Variants in DIP2C observed in about 807,000 individuals in gnomAD.
DIP2C encodes the protein DIP2 acetate--CoA ligase C (putative), also known as disco-interacting protein 2 homolog C.
DIP2C carries 33 observed loss-of-function variants against 192.4 expected under a neutral mutation model. That is an observed-to-expected ratio of 0.17 (90% confidence interval 0.13 to 0.23). DIP2C has a LOEUF of 0.23. Among genes scored for constraint, DIP2C ranks in the 10% least tolerant of loss-of-function variants. DIP2C has a pLI of 1.00. For missense variants in DIP2C, 1,537 were observed against 2,110.1 expected, an observed-to-expected ratio of 0.73 and a Z score of 5.32; for synonymous variants, 979 against 864.1, an observed-to-expected ratio of 1.13 and a Z score of -2.33.
chr10:357,662 C>A (rs569377112), intron 23 of DIP2C, among the ~76,000 whole-genome samples, 166 bp downstream of exon 23: 1 of 151,968 alleles, frequency 6.6e-6, no homozygotes. Context: ...CGGAGACTGT[C>A]GGGAAAGTCG....
At chr10:413,650 T>C (rs1020201236) in intron 8 of DIP2C, among the ~76,000 whole-genome samples, 5 of 152,204 alleles carry the variant, frequency 3.3e-5, no homozygotes, top group African/African-American at 9.6e-5. Context: ...TAACAGACAC[T>C]GAGCTTTGTG....
chr10:668,789 T>C (rs921441434), intron 1 of DIP2C: 11 of 152,264 alleles, frequency 7.2e-5, no homozygotes, highest in African/African-American at 2.7e-4. Flanking sequence ...TAACATGTCC[T>C]CATTTTCAGC....
At chr10:383,952 G>A in intron 16 of DIP2C, 75 bp downstream of exon 16, 1 of 1,397,356 alleles carries the variant, frequency 7.2e-7, no homozygotes, top group Non-Finnish European at 9.2e-7. Flanking sequence ...TTCACAGCCT[G>A]CCTGCCTCAC....
In DIP2C at chr10:418,010, GCGCGGACAGGC is replaced by G. The variant is rs1965874021; in HGVS notation, c.739+1044_739+1054del. ...TCCCTGTCCACCTGCACCTGTCAGG[GCGCGGACAGGC>G]CTCCCTGTCCACCTGTTCCTGTCAG... On this transcript the variant is annotated intron_variant, in intron 6 of 36. Coordinates refer to ENST00000280886, the MANE Select transcript of DIP2C (RefSeq NM_014974.3). Among the ~76,000 whole-genome samples the G allele has an allele frequency of 9.2e-5, 8 of 87,388 alleles. 3 individuals are homozygous for G. Among genetic ancestry groups the G allele is most frequent in the South Asian group, 4.9e-4 (1 of 2,046 alleles). 57.3% of individuals were successfully genotyped at this position (87,388 alleles called of 152,430 possible).
intron 1 of DIP2C, among the ~76,000 whole-genome samples, chr10:601,946 G>A (rs972143634): frequency 6.6e-6 from 1 of 152,110 alleles, no homozygotes; most frequent in Non-Finnish European, 1.5e-5. Context: ...AGTGGGAACC[G>A]GCAGTTTAGC....
intron 17 of DIP2C, among the ~76,000 whole-genome samples, chr10:381,005 G>C (rs547395529): frequency 3.8e-4 from 58 of 152,358 alleles, no homozygotes; most frequent in Non-Finnish European, 7.2e-4. Flanking sequence ...ACAATGCAGA[G>C]AGGGATGTGT....
chr10:406,217 A>G (rs903131859), intron 9 of DIP2C, among the ~76,000 whole-genome samples: 8 of 152,264 alleles, frequency 5.3e-5, no homozygotes, highest in Non-Finnish European at 1.0e-4. Flanking sequence ...TTCCATTACA[A>G]TTAACGTTTC....
chr10:598,656 C>G lies in DIP2C; in HGVS notation c.85+90838G>C, dbSNP rs556321342. ...CCCCTTGATGAAGTCATTCATTCCC[C>G]AAATACAAAGCAATTAAAGGCATGA... On this transcript the variant is annotated intron_variant, in intron 1 of 36. Coordinates refer to ENST00000280886, the MANE Select transcript of DIP2C (RefSeq NM_014974.3). 3.3e-5 allele frequency among the ~76,000 whole-genome samples: 5 copies of G among 152,260 alleles called. No individual in the cohort carries two copies. The South Asian group carries it at 8.3e-4, about 25-fold the overall frequency.
At chr10:575,988 C>A (rs964510217) in intron 1 of DIP2C, among the ~76,000 whole-genome samples, 4 of 152,208 alleles carry the variant, frequency 2.6e-5, no homozygotes, top group African/African-American at 9.7e-5. Context: ...TACTCCTGCA[C>A]GTGGGTGCCA....
At position 422,873 on chromosome 10, in the gene DIP2C, G is replaced by A. The variant is rs1015614062; in HGVS notation, c.555C>T (p.Gly185=). Residue 185 remains glycine, a synonymous_variant, in exon 5 of 37, where the codon GGC becomes GGT. Coordinates refer to ENST00000280886, the MANE Select transcript of DIP2C (RefSeq NM_014974.3). Reference sequence around the variant, plus strand: ...CCGCCAGCCTGTGGGCAGCCCCGCTGCCCCCGCTCTGCGTAGAGGACGAGG... The same window carrying A: ...CCGCCAGCCTGTGGGCAGCCCCGCTACCCCCGCTCTGCGTAGAGGACGAGG... ...TTSSSSTQSG[G]SGAAHRLADV... 6.2e-7 allele frequency: 1 copy of A among 1,613,302 alleles called. No homozygotes were observed. Among genetic ancestry groups the A allele is most frequent in the Non-Finnish European group, 8.5e-7 (1 of 1,179,984 alleles).
At position 465,813 on chromosome 10, in the gene DIP2C, T is replaced by G. The variant is rs1400846274; in HGVS notation, c.268+6626A>C. Among the ~76,000 whole-genome samples, 5 of 151,088 alleles carry G rather than the reference T, an allele frequency of 3.3e-5. No homozygotes were observed. The East Asian group carries it at 9.8e-4, about 30-fold the overall frequency. ...ATTGCTTCAAAGAGAATAAAATACC[T>G]AGGAATCCAACTTACAAGGGATGTG... On this transcript the variant is annotated intron_variant, in intron 3 of 36. Coordinates refer to ENST00000280886, the MANE Select transcript of DIP2C (RefSeq NM_014974.3).
rs201987227 is a variant in DIP2C, at chr10:349,332, T to C, written c.3108A>G (p.Pro1036=). 8.3e-5 allele frequency: 134 copies of C among 1,605,638 alleles called. No homozygotes were observed. Among genetic ancestry groups the C allele is most frequent in the Non-Finnish European group, 1.1e-4 (127 of 1,177,668 alleles). Reference sequence around the variant, plus strand: ...GGGAAGCCCACCCTGCGCCTGTACCTGGGGGGTAGACCAAGGCCACGTGGT... The same window carrying C: ...GGGAAGCCCACCCTGCGCCTGTACCCGGGGGGTAGACCAAGGCCACGTGGT... ...DGDHVALVYP[P]GIDLIAAFYG... is the part of the protein sequence containing the mutation. The change falls in exon 25 of 37, where the codon CCA becomes CCG. Residue 1036 remains proline (P), a splice_region_variant and synonymous_variant. Transcript: ENST00000280886.
chr10:524,384 A>G lies in DIP2C; in HGVS notation c.86-37854T>C, dbSNP rs567192104. Among the ~76,000 whole-genome samples the G allele has an allele frequency of 3.9e-5, 6 of 152,352 alleles. No individual in the cohort carries two copies. In the South Asian group the frequency reaches 1.2e-3, roughly 32 times the overall value. Reference sequence around the variant, plus strand: ...TTATTTAATTACCTTCATGGTCATCAAGTAAAATCAGTCACTCAGACCTAT... The same window carrying G: ...TTATTTAATTACCTTCATGGTCATCGAGTAAAATCAGTCACTCAGACCTAT... On this transcript the variant is annotated intron_variant, in intron 1 of 36. Transcript: ENST00000280886.
chr10:443,044 A>C (rs1967874886), intron 3 of DIP2C, among the ~76,000 whole-genome samples: 1 of 152,234 alleles, frequency 6.6e-6, no homozygotes, highest in Non-Finnish European at 1.5e-5. Context: ...TATGCATTTT[A>C]GCAGGGATAC....
At chr10:310,403 G>A (rs956579506) in intron 31 of DIP2C, among the ~76,000 whole-genome samples, 1 of 152,214 alleles carries the variant, frequency 6.6e-6, no homozygotes, top group African/African-American at 2.4e-5. Context: ...CCAAGACGGC[G>A]CTGCAAAAGC....
At chr10:427,648 G>A (rs1259952313) in intron 4 of DIP2C, among the ~76,000 whole-genome samples, 1 of 152,110 alleles carries the variant, frequency 6.6e-6, no homozygotes, top group Non-Finnish European at 1.5e-5. Context: ...CACATTAAAA[G>A]CTAATAAGCA....
intron 14 of DIP2C, among the ~76,000 whole-genome samples, chr10:384,904 G>C (rs1185161309): frequency 6.6e-6 from 1 of 152,136 alleles, no homozygotes; most frequent in Non-Finnish European, 1.5e-5. Flanking sequence ...AGGAGGAGAA[G>C]CAGCTCTCAG....
intron 17 of DIP2C, among the ~76,000 whole-genome samples, chr10:378,830 G>A (rs1040757798): frequency 1.3e-5 from 2 of 151,066 alleles, no homozygotes; most frequent in Admixed American, 6.6e-5. Flanking sequence ...GACATGCACA[G>A]ATGTGAACAG....
chr10:526,810 G>C lies in DIP2C; in HGVS notation c.86-40280C>G, dbSNP rs549809215. Reference sequence around the variant, plus strand: ...GCCTCTTCTTTCCTCCGTCCCGCCAGCACCATCTTCTCCCAGGGAACTGGT... The same window carrying C: ...GCCTCTTCTTTCCTCCGTCCCGCCACCACCATCTTCTCCCAGGGAACTGGT... On this transcript the variant is annotated intron_variant, in intron 1 of 36. Transcript: ENST00000280886. 2.6e-5 allele frequency among the ~76,000 whole-genome samples: 4 copies of C among 152,312 alleles called. No homozygotes were observed. The South Asian group carries it at 8.3e-4, about 32-fold the overall frequency.
Sources: allele counts gnomAD v4.1 joint callset (sites outside exome capture counted in the v4.1 genomes callset), GRCh38; gene constraint gnomAD v4.1.1; transcripts MANE v1.5; gene names NCBI Gene and HGNC (gene_info 2026-07-23, HGNC 2026-07-21).